The following MAF variants were observed in gnomAD, a reference collection of about 807,000 sequenced individuals.
MAF encodes the protein transcription factor Maf.
MAF carries 10 observed loss-of-function variants against 22.0 expected under a neutral mutation model. The ratio of observed to expected loss-of-function variants is 0.45; its 90% CI spans 0.28 to 0.77. The LOEUF is 0.77. Ranked by LOEUF, MAF falls within the 30% of genes least tolerant of loss-of-function variation. The pLI is 0.12. For synonymous variants in MAF, 337 were observed against 255.8 expected (o/e 1.32, Z -3.03); for missense variants, 544 against 548.4 (o/e 0.99, Z 0.08).
At chr16:79,230,463 C>T in the MAF span, among the ~76,000 whole-genome samples, 3 of 152,256 alleles carry the variant, frequency 2.0e-5, no homozygotes, top group South Asian at 2.1e-4. Flanking sequence ...CCCGGGTGGG[C>T]GGTCTTGAGC....
chr16:79,213,966 G>C, the MAF span, among the ~76,000 whole-genome samples: 23 of 152,044 alleles, frequency 1.5e-4, 1 homozygote, highest in Admixed American at 1.3e-3. Context: ...TTATCCACTA[G>C]AAGCCACTCT....
the MAF span, among the ~76,000 whole-genome samples, chr16:79,479,525 C>T: frequency 1.3e-5 from 2 of 152,214 alleles, no homozygotes; most frequent in African/African-American, 2.4e-5. Context: ...CTGCAAGCTT[C>T]GATAACTGCA....
chr16:79,370,922 C>T, the MAF span, among the ~76,000 whole-genome samples: 2 of 151,978 alleles, frequency 1.3e-5, no homozygotes, highest in Admixed American at 1.3e-4. Context: ...CTCATTTGTT[C>T]TGGGTGTTGT....
At chr16:79,303,579 C>G in the MAF span, among the ~76,000 whole-genome samples, 1 of 152,184 alleles carries the variant, frequency 6.6e-6, no homozygotes, top group Non-Finnish European at 1.5e-5. Flanking sequence ...CTTCCAAAGG[C>G]TGTTGGCCAA....
At chr16:79,215,855 C>A in the MAF span, among the ~76,000 whole-genome samples, 1 of 152,172 alleles carries the variant, frequency 6.6e-6, no homozygotes, top group Non-Finnish European at 1.5e-5. Context: ...TCCACTTTAT[C>A]AGAAGTTATC....
the MAF span, among the ~76,000 whole-genome samples, chr16:79,416,835 T>C: frequency 6.6e-6 from 1 of 152,192 alleles, no homozygotes; most frequent in African/African-American, 2.4e-5. Context: ...TATTTCTTCA[T>C]GGGTAAAGGG....
At chr16:79,389,112 A>G in the MAF span, among the ~76,000 whole-genome samples, 3 of 152,314 alleles carry the variant, frequency 2.0e-5, no homozygotes, top group East Asian at 5.8e-4. Context: ...GCGGGTGGCA[A>G]ACATTTGAAC....
the MAF span, among the ~76,000 whole-genome samples, chr16:79,213,478 A>C: frequency 6.6e-6 from 1 of 152,180 alleles, no homozygotes; most frequent in Non-Finnish European, 1.5e-5. Flanking sequence ...CACTCTCAGA[A>C]TCTACACCTG....
At chr16:79,347,668 G>A in the MAF span, among the ~76,000 whole-genome samples, 4 of 152,148 alleles carry the variant, frequency 2.6e-5, no homozygotes, top group African/African-American at 9.7e-5. Context: ...CAGCTCCGCC[G>A]GGCTGGGGAC....
chr16:79,571,600 T>G, the MAF span, among the ~76,000 whole-genome samples: 1 of 149,364 alleles, frequency 6.7e-6, no homozygotes, highest in Non-Finnish European at 1.5e-5. Flanking sequence ...TGGGAAACTG[T>G]TAAGGCAAAA....
chr16:79,247,912 C>G, the MAF span, among the ~76,000 whole-genome samples: 1 of 152,222 alleles, frequency 6.6e-6, no homozygotes, highest in East Asian at 1.9e-4. Context: ...AGTGAAAACT[C>G]TTTTTATTTT....
the MAF span, among the ~76,000 whole-genome samples, chr16:79,388,918 C>T: frequency 2.6e-5 from 4 of 152,314 alleles, no homozygotes; most frequent in African/African-American, 7.2e-5. Context: ...GCAGTTTATG[C>T]CTTTTCCAAG....
At chr16:79,360,762 T>A in the MAF span, among the ~76,000 whole-genome samples, 1 of 152,138 alleles carries the variant, frequency 6.6e-6, no homozygotes, top group East Asian at 1.9e-4. Context: ...CAAGATCCAC[T>A]GCAAGAAGGA....
chr16:79,543,622 A>G, the MAF span, among the ~76,000 whole-genome samples: 1 of 151,992 alleles, frequency 6.6e-6, no homozygotes, highest in Admixed American at 6.5e-5. Flanking sequence ...AACGGTGGCC[A>G]AGGGTCAATG....
the MAF span, among the ~76,000 whole-genome samples, chr16:79,298,182 C>T: frequency 2.1e-4 from 32 of 152,236 alleles, no homozygotes; most frequent in African/African-American, 7.5e-4. Context: ...CATAACATTC[C>T]AGCCTCTCTC....
chr16:79,247,565 A>G, the MAF span, among the ~76,000 whole-genome samples: 1 of 152,178 alleles, frequency 6.6e-6, no homozygotes. Flanking sequence ...AAAACAGCCC[A>G]AAACACTCTG....
the MAF span, among the ~76,000 whole-genome samples, chr16:79,502,139 C>G: frequency 2.0e-5 from 3 of 152,096 alleles, no homozygotes; most frequent in East Asian, 1.9e-4. Context: ...CTCAAGAGCC[C>G]CTTGTCGTGA....
At chr16:79,566,703 C>G in the MAF span, among the ~76,000 whole-genome samples, 1 of 152,316 alleles carries the variant, frequency 6.6e-6, no homozygotes, top group Non-Finnish European at 1.5e-5. Flanking sequence ...GAACTGGAGT[C>G]TACTTGGCCT....
At chr16:79,228,930 C>G in the MAF span, among the ~76,000 whole-genome samples, 1 of 152,014 alleles carries the variant, frequency 6.6e-6, no homozygotes, top group East Asian at 1.9e-4. Flanking sequence ...CTGCACCAGT[C>G]TGAGACAGGG....
Sources: gnomAD v4.1 joint callset for allele counts (sites outside exome capture counted in the v4.1 genomes callset) on GRCh38, gnomAD v4.1.1 for gene constraint, MANE v1.5 for transcripts, NCBI Gene and HGNC (gene_info 2026-07-23, HGNC 2026-07-21) for gene names.